Variants in OTOGL observed in about 807,000 individuals in gnomAD.
The protein encoded by OTOGL is otogelin-like protein.
A neutral mutation model predicts 318.5 loss-of-function variants in OTOGL; 285 were observed. The observed-to-expected ratio is 0.89, with a 90% CI of 0.81 to 0.99. The LOEUF (loss-of-function observed/expected upper bound fraction) is 0.99, where lower values mean the gene tolerates loss of function less well. Ranked by LOEUF, OTOGL falls within the 50% of genes least tolerant of loss-of-function variation. OTOGL has a pLI of 0.00. For synonymous variants in OTOGL, 987 were observed against 936.5 expected (o/e 1.05, Z -0.99); for missense variants, 2,899 against 2,845.6 (o/e 1.02, Z -0.43).
chr12:80,297,342 T>G (rs5000470), intron 27 of OTOGL, among the ~76,000 whole-genome samples: 3 of 115,092 alleles, frequency 2.6e-5, no homozygotes, highest in African/African-American at 1.1e-4. Flanking sequence ...TTTTTTTTTT[T>G]TTTTTTTGAG....
At chr12:80,329,696 G>T (rs1887948725) in intron 37 of OTOGL, among the ~76,000 whole-genome samples, 1 of 152,182 alleles carries the variant, frequency 6.6e-6, no homozygotes, top group Non-Finnish European at 1.5e-5. Flanking sequence ...TCCACTCACA[G>T]TGAGGCTCAA....
intron 1 of OTOGL, among the ~76,000 whole-genome samples, chr12:80,170,348 A>C (rs1348186979): frequency 2.6e-5 from 4 of 151,938 alleles, no homozygotes; most frequent in African/African-American, 9.7e-5. Context: ...TGGTGAAAAT[A>C]TTTTTATGTG....
intron 52 of OTOGL, among the ~76,000 whole-genome samples, chr12:80,361,426 T>C (rs1170483845): frequency 6.7e-6 from 1 of 149,162 alleles, no homozygotes; most frequent in Non-Finnish European, 1.5e-5. Flanking sequence ...CTATTGTGAA[T>C]AGTGCTGCAG....
intron 52 of OTOGL, among the ~76,000 whole-genome samples, chr12:80,360,214 G>A (rs1029613849): frequency 1.3e-5 from 2 of 152,126 alleles, no homozygotes; most frequent in Non-Finnish European, 2.9e-5. Flanking sequence ...ATCAGTATTA[G>A]TTATAAGTAT....
rs1033136229 is a variant in OTOGL, at chr12:80,333,020, C to T, written c.4364C>T (p.Thr1455Ile). ...VPMFTVWEMI[T>I]PSDITVFDML... Reference sequence around the variant, plus strand: ...TTTCTGACAGTTTGGGAAATGATTACTCCATCAGACATCACTGTGTTTGAT... The same window carrying T: ...TTTCTGACAGTTTGGGAAATGATTATTCCATCAGACATCACTGTGTTTGAT... The change falls in exon 38 of 59, where the codon ACT becomes ATT. Residue 1455 changes from threonine (T) to isoleucine (I), a missense_variant. By Grantham distance (89) the Thr-to-Ile change is moderately conservative. Around this residue, in one of 3 missense-constraint regions of OTOGL, gnomAD observed 2,607 missense variants for 2,524.9 expected, o/e 1.03. Transcript: ENST00000547103. The T allele has an allele frequency of 1.7e-5, 27 of 1,597,542 alleles. No homozygotes were observed. The highest frequency in any genetic ancestry group is 2.3e-5 in the Non-Finnish European group (27 of 1,170,624).
chr12:80,244,952 G>T (rs1265013828), intron 11 of OTOGL, among the ~76,000 whole-genome samples: 3 of 148,662 alleles, frequency 2.0e-5, no homozygotes, highest in African/African-American at 7.9e-5. Context: ...TTTTTTGGCT[G>T]CATAAATGTC....
chr12:80,199,411 A>G lies in OTOGL; in HGVS notation c.-19-10002A>G, dbSNP rs563448558. ...GGGCATCTTGTATTTTTCTTTAATA[A>G]CACACAATTGCAGTTGAATGATTAT... On this transcript the variant is annotated intron_variant, in intron 1 of 58. Transcript: ENST00000547103. Among the ~76,000 whole-genome samples, 32 of 152,284 alleles carry G rather than the reference A, an allele frequency of 2.1e-4. No homozygotes were observed. In the South Asian group the frequency reaches 6.6e-3, roughly 32 times the overall value.
At chr12:80,142,757 G>A (rs1341283990) in intron 1 of OTOGL, among the ~76,000 whole-genome samples, 1 of 152,084 alleles carries the variant, frequency 6.6e-6, no homozygotes, top group African/African-American at 2.4e-5. Context: ...ATTGTGTTCT[G>A]TGGTTGGGCC....
chr12:80,152,995 G>A (rs1399765617), intron 1 of OTOGL, among the ~76,000 whole-genome samples: 1 of 152,092 alleles, frequency 6.6e-6, no homozygotes, highest in Non-Finnish European at 1.5e-5. Flanking sequence ...CACCCTGGCC[G>A]TGTCATCAAT....
intron 26 of OTOGL, among the ~76,000 whole-genome samples, chr12:80,290,830 A>G (rs1320065603): frequency 1.3e-5 from 2 of 152,222 alleles, no homozygotes; most frequent in Non-Finnish European, 1.5e-5. Context: ...AATGTAAAGC[A>G]TGCCAGTAAA....
At chr12:80,366,764 G>T in intron 53 of OTOGL, 127 bp downstream of exon 53, 1 of 267,036 alleles carries the variant, frequency 3.7e-6, no homozygotes, top group African/African-American at 2.2e-5. Context: ...CAGTATTTGA[G>T]TATAAAAATG....
chr12:80,113,066 T>A (rs573808574), intron 1 of OTOGL, among the ~76,000 whole-genome samples: 1 of 152,306 alleles, frequency 6.6e-6, no homozygotes, highest in African/African-American at 2.4e-5. Flanking sequence ...TATTCCCTGA[T>A]GGTAGTTTGT....
chr12:80,275,693 CA>C (rs1349194068), intron 24 of OTOGL, among the ~76,000 whole-genome samples: 1 of 151,796 alleles, frequency 6.6e-6, no homozygotes, highest in African/African-American at 2.4e-5. Flanking sequence ...TGGCAAACTT[CA>C]CTGTGTCTTA....
intron 1 of OTOGL, among the ~76,000 whole-genome samples, chr12:80,127,575 G>A (rs1054051588): frequency 6.6e-6 from 1 of 152,124 alleles, no homozygotes; most frequent in Non-Finnish European, 1.5e-5. Context: ...TCCTGAATCT[G>A]AATGTTGGCC....
At chr12:80,125,374 C>T (rs1266321563) in intron 1 of OTOGL, among the ~76,000 whole-genome samples, 1 of 152,308 alleles carries the variant, frequency 6.6e-6, no homozygotes, top group South Asian at 2.1e-4. Context: ...AGCCTTGCAT[C>T]CCAGGGATGA....
At chr12:80,289,117 T>C (rs1884849790) in intron 26 of OTOGL, among the ~76,000 whole-genome samples, 1 of 152,218 alleles carries the variant, frequency 6.6e-6, no homozygotes, top group Admixed American at 6.5e-5. Context: ...GTTATCACTT[T>C]CTTTTTGTTA....
intron 38 of OTOGL, among the ~76,000 whole-genome samples, 195 bp downstream of exon 38, chr12:80,333,273 C>G (rs1167655687): frequency 6.6e-6 from 1 of 151,254 alleles, no homozygotes; most frequent in Non-Finnish European, 1.5e-5. Context: ...CTTCTAGTCA[C>G]ACTAAGAAAA....
intron 34 of OTOGL, among the ~76,000 whole-genome samples, chr12:80,322,019 C>T (rs1446394412): frequency 6.6e-6 from 1 of 152,266 alleles, no homozygotes; most frequent in Non-Finnish European, 1.5e-5. Flanking sequence ...CTGGAATCAC[C>T]GAGCACACAC....
At chr12:80,110,618 T>C (rs887032320) in intron 1 of OTOGL, among the ~76,000 whole-genome samples, 2 of 152,216 alleles carry the variant, frequency 1.3e-5, no homozygotes, top group East Asian at 3.9e-4. Context: ...TTCCATGGTG[T>C]ATTTGTGCCA....
Sources: gnomAD v4.1 joint callset for allele counts (sites outside exome capture counted in the v4.1 genomes callset) on GRCh38, gnomAD v4.1.1 for gene constraint, gnomAD v4.1.1 regional missense constraint, MANE v1.5 for transcripts, NCBI Gene and HGNC (gene_info 2026-07-23, HGNC 2026-07-21) for gene names.